The following OPCML variants were observed in gnomAD, a reference collection of about 807,000 sequenced individuals.
The protein encoded by OPCML is opioid binding protein/cell adhesion molecule like, also known as opioid-binding protein/cell adhesion molecule.
In OPCML, 13 loss-of-function variants were observed where a neutral mutation model predicts 37.8. The observed-to-expected ratio is 0.34, with a 90% CI of 0.22 to 0.55. The LOEUF (loss-of-function observed/expected upper bound fraction) is 0.55, where lower values mean the gene tolerates loss of function less well. OPCML is among the 20% of genes least tolerant of loss of function. The pLI, the probability that OPCML is intolerant of heterozygous loss-of-function variation, is 0.91. For missense variants in OPCML, 341 were observed against 435.6 expected (o/e 0.78, Z 1.93); for synonymous variants, 176 against 168.8 (o/e 1.04, Z -0.33).
chr11:132,922,471 G>A (rs904964457), intron 2 of OPCML, among the ~76,000 whole-genome samples: 1 of 152,056 alleles, frequency 6.6e-6, no homozygotes, highest in Admixed American at 6.6e-5. Context: ...AAAGCAGCAC[G>A]TGTGCGGGAA....
Position 133,241,734 on chromosome 11 carries a change from T to G in OPCML, c.61+290530A>C, listed in dbSNP as rs139479184. 9.9e-3 allele frequency among the ~76,000 whole-genome samples: 1,507 copies of G among 152,332 alleles called. 24 individuals carry two copies. The highest frequency in any genetic ancestry group is 0.029 in the African/African-American group (1,222 of 41,572). On this transcript the variant is annotated intron_variant, in intron 1 of 7. Coordinates refer to ENST00000524381, the MANE Select transcript of OPCML (RefSeq NM_001012393.5). ...CCCAAGATCCGAAGGGAAGAGCATT[T>G]GCACTCCCCGCCGCCATCAGGAACA... is the stretch of plus-strand genomic sequence containing the variant.
chr11:132,720,336 T>C (rs1944634591), intron 2 of OPCML, among the ~76,000 whole-genome samples: 1 of 152,204 alleles, frequency 6.6e-6, no homozygotes, highest in African/African-American at 2.4e-5. Context: ...GTGGGCTACC[T>C]CCTGAGCAGC....
intron 2 of OPCML, among the ~76,000 whole-genome samples, chr11:132,750,946 T>A (rs1945811086): frequency 2.0e-5 from 3 of 152,108 alleles, no homozygotes; most frequent in Admixed American, 2.0e-4. Context: ...GAATGGATAA[T>A]CTACATTAAT....
chr11:133,165,144 T>G (rs557238234), intron 1 of OPCML, among the ~76,000 whole-genome samples: 48 of 152,346 alleles, frequency 3.2e-4, no homozygotes, highest in Non-Finnish European at 1.3e-4. Context: ...CGAGCCACAG[T>G]CCAGCAAGCT....
rs68143578 is a variant in OPCML at position 132,441,165 on chromosome 11, G to GTTTTTTTTTTTT, written c.506-3818_506-3807dup. Among the ~76,000 whole-genome samples, 22 of 72,398 alleles carry GTTTTTTTTTTTT rather than the reference G, an allele frequency of 3.0e-4. 1 individual carries two copies. Among genetic ancestry groups the GTTTTTTTTTTTT allele is most frequent in the African/African-American group, 2.1e-3 (19 of 9,156 alleles). The allele number at this position is 72,398 out of a possible 152,430, so 47.5% of individuals were successfully genotyped here. ...AGATGTGTTCACCAAGGACTTTTTT[G>GTTTTTTTTTTTT]TTTTTTTTTTTTTTTTTTTTGAGAC... On this transcript the variant is annotated intron_variant, in intron 4 of 7. Coordinates refer to ENST00000524381, the MANE Select transcript of OPCML (RefSeq NM_001012393.5).
chr11:132,932,252 C>T (rs1015630680), intron 2 of OPCML, among the ~76,000 whole-genome samples: 4 of 151,988 alleles, frequency 2.6e-5, no homozygotes, highest in East Asian at 3.9e-4. Context: ...TGCACAGCAA[C>T]GTGAATGTAC....
At chr11:133,058,734 T>C (rs1948286981) in intron 1 of OPCML, among the ~76,000 whole-genome samples, 1 of 152,220 alleles carries the variant, frequency 6.6e-6, no homozygotes, top group African/African-American at 2.4e-5. Context: ...AGGCCAGTAG[T>C]CTCATTTACA....
chr11:133,306,169 C>T (rs566550519), intron 1 of OPCML, among the ~76,000 whole-genome samples: 1 of 152,254 alleles, frequency 6.6e-6, no homozygotes, highest in East Asian at 1.9e-4. Context: ...AAGAACTGCC[C>T]TTGGTCCTGA....
intron 2 of OPCML, among the ~76,000 whole-genome samples, chr11:132,876,410 C>G (rs1031067581): frequency 2.0e-5 from 3 of 152,170 alleles, no homozygotes; most frequent in Non-Finnish European, 4.4e-5. Flanking sequence ...GTCAGAGCTA[C>G]CCAGGAAACA....
At chr11:132,799,116 G>A (rs1419329357) in intron 2 of OPCML, among the ~76,000 whole-genome samples, 1 of 152,302 alleles carries the variant, frequency 6.6e-6, no homozygotes, top group East Asian at 1.9e-4. Context: ...GAGTCAGCCT[G>A]TTCTTTGAAG....
chr11:132,565,985 A>T (rs1168526332), intron 3 of OPCML, among the ~76,000 whole-genome samples: 1 of 152,194 alleles, frequency 6.6e-6, no homozygotes, highest in Non-Finnish European at 1.5e-5. Context: ...GTGAGTAGAG[A>T]TTGCACAACT....
intron 1 of OPCML, among the ~76,000 whole-genome samples, chr11:133,406,475 G>T (rs975236757): frequency 3.3e-5 from 5 of 152,180 alleles, no homozygotes; most frequent in African/African-American, 1.2e-4. Context: ...AGCTAGGGCT[G>T]ACCCAGTGGC....
chr11:132,455,125 C>A (rs2096078354), intron 4 of OPCML, among the ~76,000 whole-genome samples: 1 of 152,208 alleles, frequency 6.6e-6, no homozygotes, highest in African/African-American at 2.4e-5. Flanking sequence ...GCTCCTCATA[C>A]CAGCATTGCA....
chr11:132,723,594 GA>G (rs1453708076), intron 2 of OPCML, among the ~76,000 whole-genome samples: 1 of 152,084 alleles, frequency 6.6e-6, no homozygotes, highest in Admixed American at 6.6e-5. Context: ...TAATGTTTAG[GA>G]ATTTTTACCT....
At chr11:132,996,171 T>C (rs951639554) in intron 1 of OPCML, among the ~76,000 whole-genome samples, 2 of 152,168 alleles carry the variant, frequency 1.3e-5, no homozygotes, top group African/African-American at 2.4e-5. Flanking sequence ...TCATTGTAGA[T>C]GGGGTTATTA....
chr11:133,309,282 A>G (rs1943011259), intron 1 of OPCML, among the ~76,000 whole-genome samples: 1 of 152,208 alleles, frequency 6.6e-6, no homozygotes, highest in African/African-American at 2.4e-5. Flanking sequence ...AATCTCATAT[A>G]CCAGCTGCTG....
chr11:133,371,149 A>G (rs1475129924), intron 1 of OPCML, among the ~76,000 whole-genome samples: 1 of 152,218 alleles, frequency 6.6e-6, no homozygotes, highest in African/African-American at 2.4e-5. Flanking sequence ...GCTGAAAAAG[A>G]CAAAAAATAA....
At chr11:133,167,201 G>C (rs1395303278) in intron 1 of OPCML, among the ~76,000 whole-genome samples, 3 of 152,202 alleles carry the variant, frequency 2.0e-5, no homozygotes, top group South Asian at 4.2e-4. Context: ...TCTCCAGCGT[G>C]CTTCCTCATC....
At chr11:133,199,950 T>C (rs886436965) in intron 1 of OPCML, among the ~76,000 whole-genome samples, 1 of 152,206 alleles carries the variant, frequency 6.6e-6, no homozygotes, top group Non-Finnish European at 1.5e-5. Flanking sequence ...ACTCAATCTT[T>C]GCACTGACTC....
Sources: allele counts gnomAD v4.1 joint callset (sites outside exome capture counted in the v4.1 genomes callset), GRCh38; gene constraint gnomAD v4.1.1; transcripts MANE v1.5; gene names NCBI Gene and HGNC (gene_info 2026-07-23, HGNC 2026-07-21).